TXNDC16: variants seen among roughly 807,000 people sequenced by gnomAD.
TXNDC16 encodes thioredoxin domain containing 16.
Under a neutral mutation model 85.6 loss-of-function variants are expected in TXNDC16, and 74 were observed. The ratio of observed to expected loss-of-function variants is 0.86; its 90% confidence interval spans 0.72 to 1.05. The LOEUF (loss-of-function observed/expected upper bound fraction) is 1.05, where lower values mean the gene tolerates loss of function less well. Ranked by LOEUF, TXNDC16 falls within the 50% of genes least tolerant of loss-of-function variation. TXNDC16 has a pLI of 0.00. For missense variants in TXNDC16, 959 were observed against 947.0 expected (o/e 1.01, Z -0.17); for synonymous variants, 335 against 326.5 (o/e 1.03, Z -0.28).
intron 11 of TXNDC16, among the ~76,000 whole-genome samples, chr14:52,488,846 A>AAAAAAAAAAC (rs1460998225): frequency 1.3e-5 from 2 of 151,656 alleles, no homozygotes; most frequent in Non-Finnish European, 2.9e-5. Flanking sequence ...AAAAAAAAAA[A>AAAAAAAAAAC]AAACAAGTTT....
At chr14:52,446,408 T>C (rs2035285359) in intron 18 of TXNDC16, among the ~76,000 whole-genome samples, 2 of 152,182 alleles carry the variant, frequency 1.3e-5, no homozygotes, top group African/African-American at 4.8e-5. Flanking sequence ...ATGCCCATCC[T>C]AGAAGTCAGA....
At chr14:52,483,171 G>C (rs1444772088) in intron 12 of TXNDC16, among the ~76,000 whole-genome samples, 1 of 152,094 alleles carries the variant, frequency 6.6e-6, no homozygotes. Flanking sequence ...AAGTTGGGAA[G>C]TTTTAGTCAA....
chr14:52,489,427 T>C (rs889936693), intron 11 of TXNDC16, among the ~76,000 whole-genome samples: 1 of 152,288 alleles, frequency 6.6e-6, no homozygotes. Flanking sequence ...TAACTCTATA[T>C]TGGAATAAAG....
intron 1 of TXNDC16, among the ~76,000 whole-genome samples, chr14:52,550,629 C>T (rs2038024009): frequency 6.6e-6 from 1 of 152,082 alleles, no homozygotes; most frequent in Non-Finnish European, 1.5e-5. Context: ...TGGGTACTAT[C>T]CAGATGTTTA....
At chr14:52,552,001 T>C (rs1376447522) in intron 1 of TXNDC16, among the ~76,000 whole-genome samples, 1 of 152,212 alleles carries the variant, frequency 6.6e-6, no homozygotes, top group Non-Finnish European at 1.5e-5. Context: ...ACTACTACTC[T>C]TCCTTAAGAG....
intron 9 of TXNDC16, among the ~76,000 whole-genome samples, chr14:52,498,429 AC>A (rs2036582260): frequency 6.6e-6 from 1 of 151,228 alleles, no homozygotes. Flanking sequence ...ACACACACAC[AC>A]ACACACACTC....
chr14:52,439,117 T>C, intron 20 of TXNDC16, 87 bp downstream of exon 20: 2 of 1,340,090 alleles, frequency 1.5e-6, no homozygotes, highest in Non-Finnish European at 2.1e-6. Context: ...TAATAACTCA[T>C]CCTACCATTC....
rs2034919493 is a variant in TXNDC16 at position 52,432,345 on chromosome 14, A to T, written c.2437T>A (p.Phe813Ile). Reference sequence around the variant, plus strand: ...CATCCTAACTCTTTATCACGTCTAAATGATTTTTCTGCTTCTTTAAACCAA... The same window carrying T: ...CATCCTAACTCTTTATCACGTCTAATTGATTTTTCTGCTTCTTTAAACCAA... The part of the protein sequence containing the change: ...SNWFKEAEKS[F>I]RRDKELGCSK... The change falls in exon 21 of 21, where the codon TTT (phenylalanine) becomes ATT (isoleucine). Residue 813 changes from phenylalanine (F) to isoleucine (I), a missense_variant. Phe to Ile is a conservative substitution (Grantham distance 21). Transcript: ENST00000281741. The T allele has an allele frequency of 6.2e-7, 1 of 1,613,512 alleles. No individual in the cohort carries two copies. The highest frequency in any genetic ancestry group is 8.5e-7 in the Non-Finnish European group (1 of 1,179,858).
At chr14:52,542,550 C>A (rs2037854459) in intron 3 of TXNDC16, 97 bp from the exon 4 acceptor site, 1 of 743,046 alleles carries the variant, frequency 1.3e-6, no homozygotes, top group Admixed American at 2.6e-5. Context: ...GTCCAACTAG[C>A]ATGCAACAAC....
At position 52,493,204 on chromosome 14, in the gene TXNDC16, T is replaced by TACAC. The variant is rs1491364654; in HGVS notation, c.757-2200_757-2199insGTGT. Among the ~76,000 whole-genome samples, 666 of 108,206 alleles carry TACAC rather than the reference T, an allele frequency of 6.2e-3. 13 individuals carry two copies. The highest frequency in any genetic ancestry group is 0.022 in the African/African-American group (564 of 25,084). 71.0% of individuals were successfully genotyped at this position (108,206 alleles called of 152,430 possible). A position where few individuals can be genotyped will look rare whatever the true frequency, so the allele number is the denominator to read the frequency against. On this transcript the variant is annotated intron_variant, in intron 9 of 20. Transcript: ENST00000281741. Reference sequence around the variant, plus strand: ...CACATGTCACTGTTCTATATATATATATATATATATATACACACACACACA... The same window carrying TACAC: ...CACATGTCACTGTTCTATATATATATACACATATATATATATACACACACACACA...
Position 52,514,929 on chromosome 14 carries a change from T to G in TXNDC16, c.556A>C (p.Thr186Pro), listed in dbSNP as rs141268117. 4,261 of 1,613,014 alleles carry G rather than the reference T, an allele frequency of 2.6e-3. 5 individuals carry two copies. Among genetic ancestry groups the G allele is most frequent in the Non-Finnish European group, 2.9e-3 (3,462 of 1,179,210 alleles). Residue 186 changes from threonine (T) to proline (P), a missense_variant, in exon 8 of 21, where the codon ACA becomes CCA. Transcript: ENST00000281741. Reference protein sequence around the residue: ...VMEAAFVYGTTYQFVLTTEIA... With the variant: ...VMEAAFVYGTPYQFVLTTEIA... ...TCTGTGGTTAAGACAAATTGGTATG[T>G]AGTCCCATACACAAAAGCGGCTTCC...
intron 1 of TXNDC16, among the ~76,000 whole-genome samples, chr14:52,549,110 C>A (rs2037995635): frequency 6.6e-6 from 1 of 152,158 alleles, no homozygotes; most frequent in African/African-American, 2.4e-5. Context: ...AGCATGTTTG[C>A]CAATACTACA....
chr14:52,493,206 TATATATATATAC>T (rs148430773), intron 9 of TXNDC16, among the ~76,000 whole-genome samples: 12,622 of 132,316 alleles, frequency 0.095, 643 homozygotes, highest in East Asian at 0.15. Context: ...TATATATATA[TATATATATATAC>T]ACACACACAC....
intron 1 of TXNDC16, among the ~76,000 whole-genome samples, chr14:52,545,893 A>G (rs35513226): frequency 0.086 from 13,129 of 152,240 alleles, 628 homozygotes; most frequent in East Asian, 0.14. Context: ...GGTGGGGAAA[A>G]AGAATATCAG....
intron 6 of TXNDC16, among the ~76,000 whole-genome samples, chr14:52,529,100 G>A (rs1566580350): frequency 6.6e-6 from 1 of 150,666 alleles, no homozygotes. Context: ...ATGATAGACT[G>A]GATTAAGAAA....
intron 9 of TXNDC16, among the ~76,000 whole-genome samples, chr14:52,499,041 T>C (rs867369600): frequency 1.8e-4 from 27 of 152,202 alleles, no homozygotes; most frequent in African/African-American, 6.3e-4. Flanking sequence ...AAATGATCTT[T>C]GACAAGGATG....
At chr14:52,459,751 GT>G (rs1301890127) in intron 16 of TXNDC16, among the ~76,000 whole-genome samples, 1 of 152,174 alleles carries the variant, frequency 6.6e-6, no homozygotes, top group African/African-American at 2.4e-5. Context: ...GGGATGCAAG[GT>G]TAGTTCAACA....
At chr14:52,479,976 C>G (rs1277397848) in intron 14 of TXNDC16, among the ~76,000 whole-genome samples, 1 of 152,038 alleles carries the variant, frequency 6.6e-6, no homozygotes, top group African/African-American at 2.4e-5. Flanking sequence ...GCACATAGAC[C>G]AATGGAACAG....
chr14:52,449,960 T>C (rs955209039), intron 18 of TXNDC16, among the ~76,000 whole-genome samples: 4 of 151,976 alleles, frequency 2.6e-5, no homozygotes, highest in African/African-American at 7.2e-5. Flanking sequence ...GGAAAGTTTA[T>C]AGCAATGAGC....
Sources: gnomAD v4.1 joint callset for allele counts (sites outside exome capture counted in the v4.1 genomes callset) on GRCh38, gnomAD v4.1.1 for gene constraint, MANE v1.5 for transcripts, NCBI Gene and HGNC (gene_info 2026-07-23, HGNC 2026-07-21) for gene names.